Variants in FGF18 observed in about 807,000 individuals in gnomAD.
The protein encoded by FGF18 is fibroblast growth factor 18.
A neutral mutation model predicts 23.0 loss-of-function variants in FGF18; 5 were observed. That is an observed-to-expected ratio of 0.22 (90% CI 0.11 to 0.46). The LOEUF (loss-of-function observed/expected upper bound fraction) is 0.46. Ranked by LOEUF, FGF18 falls within the 20% of genes least tolerant of loss-of-function variation. FGF18 has a pLI of 0.99. For synonymous variants in FGF18, 117 were observed against 118.9 expected (o/e 0.98, Z 0.10); for missense variants, 180 against 291.6 (o/e 0.62, Z 2.79).
chr5:171,442,268 C>T (rs139114849), intron 3 of FGF18, among the ~76,000 whole-genome samples: 4 of 152,182 alleles, frequency 2.6e-5, no homozygotes, highest in African/African-American at 9.6e-5. Context: ...GTGTGTGTGC[C>T]TGGGTGTGTG....
At chr5:171,435,948 A>G (rs1479256000) in intron 2 of FGF18, 145 bp from the exon 3 acceptor site, 3 of 563,250 alleles carry the variant, frequency 5.3e-6, no homozygotes, top group Non-Finnish European at 8.3e-6. Context: ...GGGGGTAGTG[A>G]GGGGGTGGTT....
At chr5:171,452,622 T>C (rs542412421) in intron 4 of FGF18, among the ~76,000 whole-genome samples, 1 of 152,224 alleles carries the variant, frequency 6.6e-6, no homozygotes, top group Non-Finnish European at 1.5e-5. Flanking sequence ...GTGTCTAGCA[T>C]GATGTGCTAG....
chr5:171,420,422 G>C lies in FGF18; in HGVS notation c.48G>C (p.Leu16=). 1 of 1,613,896 alleles carries C rather than the reference G, an allele frequency of 6.2e-7. No individual in the cohort carries two copies. ...TTTCCCGCAGGTGTTTACACTTCCT[G>C]CTGCTGTGCTTCCAGGTACAGGTAC... is the stretch of plus-strand genomic sequence containing the variant. ...SACTCLCLHF[L]LLCFQVQVLV... The change falls in exon 2 of 5, where the codon CTG becomes CTC. Residue 16 remains leucine (L), a synonymous_variant. Transcript: ENST00000274625.
chr5:171,430,260 A>AG (rs1772158828), intron 2 of FGF18, among the ~76,000 whole-genome samples: 1 of 150,744 alleles, frequency 6.6e-6, no homozygotes, highest in Non-Finnish European at 1.5e-5. Flanking sequence ...CCAGAGGCTG[A>AG]GGCGGGAGAA....
intron 4 of FGF18, among the ~76,000 whole-genome samples, chr5:171,450,897 T>C (rs1435817439): frequency 1.3e-5 from 2 of 151,836 alleles, no homozygotes; most frequent in Non-Finnish European, 2.9e-5. Context: ...AGTTTTCGGC[T>C]CGTTTTTCTT....
chr5:171,432,656 C>T (rs1005063950), intron 2 of FGF18, among the ~76,000 whole-genome samples: 2 of 152,190 alleles, frequency 1.3e-5, no homozygotes, highest in Non-Finnish European at 2.9e-5. Context: ...TCTTGAACTC[C>T]TGGCCTCAAG....
chr5:171,452,760 A>T (rs184867062), intron 4 of FGF18, among the ~76,000 whole-genome samples: 1 of 152,252 alleles, frequency 6.6e-6, no homozygotes, highest in East Asian at 1.9e-4. Flanking sequence ...AGGGCAGGGG[A>T]GTGCTCTGCC....
chr5:171,441,615 A>C (rs768435171), intron 3 of FGF18, among the ~76,000 whole-genome samples: 1 of 152,174 alleles, frequency 6.6e-6, no homozygotes, highest in Admixed American at 6.5e-5. Flanking sequence ...ACTTGTCGCT[A>C]TCCGACCTGC....
intron 2 of FGF18, among the ~76,000 whole-genome samples, chr5:171,423,115 A>G (rs1772041616): frequency 6.6e-6 from 1 of 152,294 alleles, no homozygotes; most frequent in East Asian, 1.9e-4. Context: ...TACCGGGCTC[A>G]GAATGGGTCC....
In FGF18 at chr5:171,451,893, G is replaced by A. The variant is rs376215824; in HGVS notation, c.357+2640G>A. On this transcript the variant is annotated intron_variant, in intron 4 of 4. Coordinates refer to ENST00000274625, the MANE Select transcript of FGF18 (RefSeq NM_003862.3). This position sits in a 1 kb window ranked among gnomAD's most constrained non-coding sequence, Gnocchi z 4.5. The stretch of plus-strand genomic sequence containing the variant: ...ACCCCTCTGTCAGCCCACCCACCCC[G>A]GAGCCCCACAGTCCCTCGCACAGCC... Among the ~76,000 whole-genome samples the A allele has an allele frequency of 4.6e-4, 68 of 147,590 alleles. No homozygotes were observed. The highest frequency in any genetic ancestry group is 1.7e-3 in the African/African-American group (68 of 40,694).
chr5:171,448,975 T>C (rs1351734196), intron 3 of FGF18, among the ~76,000 whole-genome samples, 172 bp from the exon 4 acceptor site: 8 of 152,090 alleles, frequency 5.3e-5, no homozygotes, highest in Admixed American at 5.2e-4. Context: ...TTCTCTGACT[T>C]CTCTGTGGTT....
Position 171,433,201 on chromosome 5 carries a change from G to T in FGF18, c.70-2892G>T, listed in dbSNP as rs553691208. 7.9e-5 allele frequency among the ~76,000 whole-genome samples: 12 copies of T among 152,280 alleles called. No individual in the cohort carries two copies. In the South Asian group the frequency reaches 1.0e-3, roughly 13 times the overall value. On this transcript the variant is annotated intron_variant, in intron 2 of 4. Transcript: ENST00000274625. ...TGGGCAAGATGGATTGTTCCCTCCC[G>T]CATCCTGGGGAAGTGCCACCCGATA...
intron 2 of FGF18, among the ~76,000 whole-genome samples, chr5:171,425,241 G>A (rs1772072678): frequency 6.6e-6 from 1 of 152,192 alleles, no homozygotes; most frequent in Non-Finnish European, 1.5e-5. Context: ...CATGCCAAGT[G>A]CTTTTTTTGT....
chr5:171,433,077 G>A (rs1772203528), intron 2 of FGF18, among the ~76,000 whole-genome samples: 1 of 152,204 alleles, frequency 6.6e-6, no homozygotes, highest in Admixed American at 6.5e-5. Flanking sequence ...CTTTCCAGGA[G>A]AACAGACCTT....
chr5:171,424,572 A>G (rs1379974281), intron 2 of FGF18, among the ~76,000 whole-genome samples: 2 of 152,236 alleles, frequency 1.3e-5, no homozygotes, highest in Non-Finnish European at 2.9e-5. Context: ...TTCTCAAAGA[A>G]TCCTGAAATT....
chr5:171,421,110 C>CT (rs1305209903), intron 2 of FGF18, among the ~76,000 whole-genome samples: 1 of 152,240 alleles, frequency 6.6e-6, no homozygotes, highest in Non-Finnish European at 1.5e-5. Context: ...CAGAAGAGGG[C>CT]TTGGCGCTCG....
chr5:171,440,209 C>T lies in FGF18; in HGVS notation c.250+3936C>T, dbSNP rs1772320930. 7.1e-6 allele frequency among the ~76,000 whole-genome samples: 1 copy of T among 141,516 alleles called. No homozygotes were observed. Among genetic ancestry groups the T allele is most frequent in the Admixed American group, 7.1e-5 (1 of 14,130 alleles). The allele number at this position is 141,516 out of a possible 152,430, so 92.8% of individuals were successfully genotyped here. On this transcript the variant is annotated intron_variant, in intron 3 of 4. Coordinates refer to ENST00000274625, the MANE Select transcript of FGF18 (RefSeq NM_003862.3). This position sits in a 1 kb window ranked among gnomAD's most constrained non-coding sequence, Gnocchi z 4.0. Reference sequence around the variant, plus strand: ...AGTACTAATAATCACCACCTGACCTCCTTACTATGGGTGTGTGGGGGGGGG... The same window carrying T: ...AGTACTAATAATCACCACCTGACCTTCTTACTATGGGTGTGTGGGGGGGGG...
chr5:171,420,373 T>TCCCA (rs1386171023), intron 1 of FGF18, 34 bp from the exon 2 acceptor site: 2 of 1,612,452 alleles, frequency 1.2e-6, no homozygotes, highest in African/African-American at 2.7e-5. Flanking sequence ...CTTCCTCAGG[T>TCCCA]CCCACTGACC....
rs1458322429 is a variant in FGF18, at chr5:171,449,400, T to TGTGTGTGTGAGA, written c.357+148_357+149insTGTGTGTGAGAG. Reference sequence around the variant, plus strand: ...GTGTGTGTGTGTGTGTGTGTGTGTGTGAGAGAGAGAGAGAGAGAGAGAGAC... The same window carrying TGTGTGTGTGAGA: ...GTGTGTGTGTGTGTGTGTGTGTGTGTGTGTGTGTGAGAGAGAGAGAGAGAGAGAGAGAGAGAC... On this transcript the variant is annotated intron_variant, in intron 4 of 4. Coordinates refer to ENST00000274625, the MANE Select transcript of FGF18 (RefSeq NM_003862.3). The TGTGTGTGTGAGA allele has an allele frequency of 4.0e-4, 147 of 363,162 alleles. 1 individual carries two copies. The highest frequency in any genetic ancestry group is 7.0e-4 in the South Asian group (28 of 39,788). 22.5% of individuals were successfully genotyped at this position (363,162 alleles called of 1,614,324 possible).
Sources: allele counts gnomAD v4.1 joint callset (sites outside exome capture counted in the v4.1 genomes callset), GRCh38; gene constraint gnomAD v4.1.1; non-coding constraint Gnocchi (gnomAD v3.1); transcripts MANE v1.5; gene names NCBI Gene and HGNC (gene_info 2026-07-23, HGNC 2026-07-21).